Variants in PCDHGB7 observed in about 807,000 individuals in gnomAD.
PCDHGB7 encodes the protein protocadherin gamma-B7.
Under a neutral mutation model 61.4 loss-of-function variants are expected in PCDHGB7, and 37 were observed. That is an observed-to-expected ratio of 0.60 (90% CI 0.46 to 0.79). PCDHGB7 has a LOEUF of 0.79. Among genes scored for constraint, PCDHGB7 ranks in the 30% least tolerant of loss-of-function variants. The pLI is 0.00. For missense variants in PCDHGB7, 1,166 were observed against 1,202.5 expected (o/e 0.97, Z 0.45); for synonymous variants, 464 against 503.5 (o/e 0.92, Z 1.05).
chr5:141,475,106 G>T (rs1182368610), intron 1 of PCDHGB7, among the ~76,000 whole-genome samples: 6 of 152,220 alleles, frequency 3.9e-5, no homozygotes, highest in Admixed American at 2.0e-4. Context: ...ATCCTAGGTG[G>T]TAAATAGGCC....
At chr5:141,427,259 G>A (rs1365845158) in intron 1 of PCDHGB7, 1 of 456,756 alleles carries the variant, frequency 2.2e-6, no homozygotes, top group Non-Finnish European at 4.4e-6. Flanking sequence ...GTGGAGGCAT[G>A]ACCAGCGAAT....
rs990493129 is a variant in PCDHGB7 at position 141,449,560 on chromosome 5, G to C, written c.2415+29286G>C. On this transcript the variant is annotated intron_variant, in intron 1 of 3. Coordinates refer to ENST00000398594, the MANE Select transcript of PCDHGB7 (RefSeq NM_018927.4). ...GCCGAGATCGCACCACTGCACTCCA[G>C]CCTGGGCGACAGAGCAAGACTCTGT... Among the ~76,000 whole-genome samples, 4 of 145,056 alleles carry C rather than the reference G, an allele frequency of 2.8e-5. No homozygotes were observed. The Admixed American group carries it at 2.8e-4, about 10-fold the overall frequency.
intron 1 of PCDHGB7, among the ~76,000 whole-genome samples, chr5:141,456,544 G>C (rs1020609068): frequency 6.6e-6 from 1 of 152,192 alleles, no homozygotes; most frequent in Non-Finnish European, 1.5e-5. Context: ...AGGGATTGTA[G>C]CCACTCGGGG....
chr5:141,433,176 T>A, intron 1 of PCDHGB7: 1 of 1,610,288 alleles, frequency 6.2e-7, no homozygotes, highest in Non-Finnish European at 8.5e-7. Flanking sequence ...AGTCATGGGT[T>A]AATTGAGGTG....
At chr5:141,441,554 G>T (rs3805698) in intron 1 of PCDHGB7, 21,236 of 192,824 alleles carry the variant, frequency 0.11, 1,386 homozygotes, top group African/African-American at 0.18. Flanking sequence ...TCCATAGTGT[G>T]CAAGTAGACA....
Position 141,432,110 on chromosome 5 carries a change from G to A in PCDHGB7, c.2415+11836G>A. On this transcript the variant is annotated intron_variant, in intron 1 of 3. Coordinates refer to ENST00000398594, the MANE Select transcript of PCDHGB7 (RefSeq NM_018927.4). This position sits in a 1 kb window ranked among gnomAD's most constrained non-coding sequence, Gnocchi z 6.0. ...GGCAGACACCAACGACAACCCGCCG[G>A]TCTTCCCTCAGGCCTCCTATTCCGC... 6.2e-7 allele frequency: 1 copy of A among 1,614,108 alleles called. No individual in the cohort carries two copies. Among genetic ancestry groups the A allele is most frequent in the Non-Finnish European group, 8.5e-7 (1 of 1,180,036 alleles).
At chr5:141,429,169 T>TACACACACACACACACAC (rs10667977) in intron 1 of PCDHGB7, 2 of 145,394 alleles carry the variant, frequency 1.4e-5, no homozygotes, top group African/African-American at 5.1e-5. Flanking sequence ...ACATTGTTTA[T>TACACACACACACACACAC]ACACACACAC....
chr5:141,421,931 A>T, intron 1 of PCDHGB7: 1 of 1,613,556 alleles, frequency 6.2e-7, no homozygotes, highest in East Asian at 2.2e-5. Context: ...GTGGTCCTCG[A>T]TGTAAATGAT....
At chr5:141,507,852 T>C (rs556569001) in intron 3 of PCDHGB7, among the ~76,000 whole-genome samples, 25 of 152,118 alleles carry the variant, frequency 1.6e-4, no homozygotes, top group Non-Finnish European at 2.6e-4. Context: ...CTGCTCTCAC[T>C]TTCACACCCG....
At chr5:141,425,624 G>T (rs1007643604) in intron 1 of PCDHGB7, among the ~76,000 whole-genome samples, 1 of 152,184 alleles carries the variant, frequency 6.6e-6, no homozygotes, top group African/African-American at 2.4e-5. Flanking sequence ...TGCTCCTCCA[G>T]TTTTCTCTGA....
intron 1 of PCDHGB7, chr5:141,427,774 G>C: frequency 7.0e-7 from 1 of 1,420,908 alleles, no homozygotes; most frequent in Non-Finnish European, 9.8e-7. Context: ...TTGGAGCTGC[G>C]GGCACTGTCG....
rs2099883887 is a variant in PCDHGB7, at chr5:141,511,641, ACC to A, written c.*469_*470del. 4.4e-6 allele frequency: 1 copy of A among 224,930 alleles called. No homozygotes were observed. Among genetic ancestry groups the A allele is most frequent in the Non-Finnish European group, 9.1e-6 (1 of 110,428 alleles). 13.9% of individuals were successfully genotyped at this position (224,930 alleles called of 1,614,324 possible). A position where few individuals can be genotyped will look rare whatever the true frequency, so the allele number is the denominator to read the frequency against. ...TCTGAAAAGTTGGAAGGGCATCATG[ACC>A]TCTTGGCCTCTCCTTTGATTCTCAA... On this transcript the variant is annotated 3_prime_UTR_variant, in exon 4 of 4. Coordinates refer to ENST00000398594, the MANE Select transcript of PCDHGB7 (RefSeq NM_018927.4).
chr5:141,510,839 C>T (rs186647886), intron 3 of PCDHGB7, 108 bp from the exon 4 acceptor site: 36 of 1,586,990 alleles, frequency 2.3e-5, no homozygotes, highest in Non-Finnish European at 3.1e-5. Context: ...TCAGCGTGGT[C>T]AAGGCCCAGG....
rs903741318 is a variant in PCDHGB7, at chr5:141,454,939, C to G, written c.2415+34665C>G. On this transcript the variant is annotated intron_variant, in intron 1 of 3. Coordinates refer to ENST00000398594, the MANE Select transcript of PCDHGB7 (RefSeq NM_018927.4). ...TCTCCTGCCTCAGCCTCCCGAGTAG[C>G]TGGGACTACAGGCGCCGGCCACCAC... 6.0e-5 allele frequency among the ~76,000 whole-genome samples: 9 copies of G among 150,982 alleles called. No homozygotes were observed. The East Asian group carries it at 1.8e-3, about 30-fold the overall frequency.
chr5:141,424,962 C>G (rs1018789700), intron 1 of PCDHGB7, among the ~76,000 whole-genome samples: 2 of 152,116 alleles, frequency 1.3e-5, no homozygotes, highest in Admixed American at 6.6e-5. Flanking sequence ...GTATTTGCCC[C>G]AAATTACTTG....
rs780436102 is a variant in PCDHGB7, at chr5:141,431,846, G to A, written c.2415+11572G>A. 1 of 1,614,274 alleles carries A rather than the reference G, an allele frequency of 6.2e-7. No individual in the cohort carries two copies. Among genetic ancestry groups the A allele is most frequent in the South Asian group, 1.1e-5 (1 of 91,088 alleles). On this transcript the variant is annotated intron_variant, in intron 1 of 3. Coordinates refer to ENST00000398594, the MANE Select transcript of PCDHGB7 (RefSeq NM_018927.4). The surrounding 1 kb of genome is among the most constrained non-coding windows in gnomAD (Gnocchi z 4.8). ...CTCGGTTCCCGAAAACTCTCCCAGA[G>A]GGACATTAATTGCCCTTTTAAATGT...
At chr5:141,463,692 C>A (rs1482988660) in intron 1 of PCDHGB7, among the ~76,000 whole-genome samples, 2 of 151,934 alleles carry the variant, frequency 1.3e-5, no homozygotes, top group Non-Finnish European at 2.9e-5. Flanking sequence ...GTGATCTGCT[C>A]ACCTCGGCCT....
In PCDHGB7 at chr5:141,454,516, C is replaced by T. The variant is rs375583922; in HGVS notation, c.2415+34242C>T. On this transcript the variant is annotated intron_variant, in intron 1 of 3. Coordinates refer to ENST00000398594, the MANE Select transcript of PCDHGB7 (RefSeq NM_018927.4). Reference sequence around the variant, plus strand: ...CCACCTCCTGGATTCAGGCAGTTCTCCTGCCTCAGCCTCCCAAGTAGCTGA... The same window carrying T: ...CCACCTCCTGGATTCAGGCAGTTCTTCTGCCTCAGCCTCCCAAGTAGCTGA... Among the ~76,000 whole-genome samples the T allele has an allele frequency of 1.2e-4, 18 of 152,288 alleles. No individual in the cohort carries two copies. In the East Asian group the frequency reaches 3.1e-3, roughly 26 times the overall value.
Position 141,418,849 on chromosome 5 carries a change from G to T in PCDHGB7, c.990G>T (p.Arg330=), listed in dbSNP as rs1479117344. The stretch of plus-strand genomic sequence containing the variant: ...AAGACCGAGGATCTCTCTCAACACG[G>T]TGTAAAGTAATTGTAGAAGTTGTAG... ...EAKDRGSLST[R]CKVIVEVVDE... Residue 330 remains arginine, a synonymous_variant, in exon 1 of 4, where the codon CGG becomes CGT. Transcript: ENST00000398594. 1.5e-5 allele frequency: 25 copies of T among 1,613,886 alleles called. No homozygotes were observed. Among genetic ancestry groups the T allele is most frequent in the Non-Finnish European group, 1.8e-5 (21 of 1,179,880 alleles).
Sources: gnomAD v4.1 joint callset for allele counts (sites outside exome capture counted in the v4.1 genomes callset) on GRCh38, gnomAD v4.1.1 for gene constraint, Gnocchi (gnomAD v3.1) non-coding constraint, MANE v1.5 for transcripts, NCBI Gene and HGNC (gene_info 2026-07-23, HGNC 2026-07-21) for gene names.